Variants in CHRM3 observed in about 807,000 individuals in gnomAD.
CHRM3 encodes the protein muscarinic acetylcholine receptor M3.
CHRM3 carries 11 observed loss-of-function variants against 41.8 expected under a neutral mutation model. The observed-to-expected ratio is 0.26, with a 90% confidence interval of 0.17 to 0.44. The LOEUF is 0.44. Ranked by LOEUF, CHRM3 falls within the 20% of genes least tolerant of loss-of-function variation. The pLI is 1.00. For missense variants in CHRM3, 571 were observed against 745.4 expected, an observed-to-expected ratio of 0.77 and a Z score of 2.72; for synonymous variants, 297 against 301.4, an observed-to-expected ratio of 0.99 and a Z score of 0.15.
chr1:239,404,931 C>T (rs1014619021), intron 1 of CHRM3, among the ~76,000 whole-genome samples: 11 of 151,504 alleles, frequency 7.3e-5, no homozygotes, highest in Admixed American at 1.3e-4. Context: ...GGTTACATTT[C>T]TGAGCAAGTA....
At chr1:239,511,609 A>C in intron 2 of CHRM3, among the ~76,000 whole-genome samples, 1 of 152,232 alleles carries the variant, frequency 6.6e-6, no homozygotes, top group East Asian at 1.9e-4. Context: ...AAAATAAATT[A>C]GGCTCACTTG....
At chr1:239,677,027 C>G (rs1658071113) in intron 4 of CHRM3, among the ~76,000 whole-genome samples, 1 of 152,000 alleles carries the variant, frequency 6.6e-6, no homozygotes, top group East Asian at 1.9e-4. Flanking sequence ...TCTCTTTCTC[C>G]TCCCTCCCCA....
At chr1:239,768,502 T>TAA (rs1667402973) in intron 5 of CHRM3, among the ~76,000 whole-genome samples, 1 of 10,888 alleles carries the variant, frequency 9.2e-5, no homozygotes, top group African/African-American at 6.1e-4. Flanking sequence ...ATAAACATGG[T>TAA]GAAAATTAAA....
rs536307399 is a variant in CHRM3, at chr1:239,518,168, T to G, written c.-422+25361T>G. Among the ~76,000 whole-genome samples, 210 of 152,340 alleles carry G rather than the reference T, an allele frequency of 1.4e-3. 2 individuals are homozygous for G. The South Asian group carries it at 0.014, about 10-fold the overall frequency. ...TTTCCACACGTTTTAATTTAATTGC[T>G]TTTTAAAGAGCACGAGGAAAGACTA... On this transcript the variant is annotated intron_variant, in intron 2 of 6. Transcript: ENST00000676153.
intron 1 of CHRM3, among the ~76,000 whole-genome samples, chr1:239,404,857 C>A (rs1390499466): frequency 1.3e-5 from 2 of 150,514 alleles, no homozygotes; most frequent in East Asian, 3.9e-4. Context: ...CTCTTGAGTT[C>A]TATCAGGGAG....
intron 1 of CHRM3, among the ~76,000 whole-genome samples, chr1:239,413,655 C>T (rs1661282029): frequency 6.6e-6 from 1 of 152,044 alleles, no homozygotes; most frequent in South Asian, 2.1e-4. Flanking sequence ...CTATGGGACA[C>T]AAAATAATGA....
Position 239,908,777 on chromosome 1 carries a change from C to T in CHRM3, c.1326C>T (p.Asp442=), listed in dbSNP as rs760020909. 4 of 1,614,100 alleles carry T rather than the reference C, an allele frequency of 2.5e-6. No individual in the cohort carries two copies. Among genetic ancestry groups the T allele is most frequent in the African/African-American group, 1.3e-5 (1 of 75,016 alleles). Residue 442 remains aspartate (D), a synonymous_variant, in exon 7 of 7, where the codon GAC becomes GAT. Coordinates refer to ENST00000676153, the MANE Select transcript of CHRM3 (RefSeq NM_001375978.1). This position sits in a 1 kb window ranked among gnomAD's most constrained non-coding sequence, Gnocchi z 7.2. ...CCGTGGACACAGCTAAGACTTCTGA[C>T]GTCAACTCCTCAGTGGGTAAGAGCA... ...ESAVDTAKTS[D]VNSSVGKSTA...
chr1:239,391,263 C>T (rs1280945375), intron 1 of CHRM3, among the ~76,000 whole-genome samples: 1 of 152,138 alleles, frequency 6.6e-6, no homozygotes, highest in Non-Finnish European at 1.5e-5. Flanking sequence ...CACTTGAAGA[C>T]CATAGTAGTT....
At chr1:239,701,561 A>G (rs566720595) in intron 5 of CHRM3, among the ~76,000 whole-genome samples, 1 of 152,306 alleles carries the variant, frequency 6.6e-6, no homozygotes, top group East Asian at 1.9e-4. Context: ...TTGTGCCAGT[A>G]ATTACCTAGC....
At chr1:239,838,577 A>C (rs1275458611) in intron 6 of CHRM3, among the ~76,000 whole-genome samples, 1 of 152,188 alleles carries the variant, frequency 6.6e-6, no homozygotes, top group Non-Finnish European at 1.5e-5. Context: ...ACAAGCCTAC[A>C]AAGTTTATCT....
At position 239,825,729 on chromosome 1, in the gene CHRM3, T is replaced by C. The variant is rs139824997; in HGVS notation, c.-146-1523T>C. Among the ~76,000 whole-genome samples the C allele has an allele frequency of 1.7e-3, 259 of 152,268 alleles. 2 individuals carry two copies. Among genetic ancestry groups the C allele is most frequent in the African/African-American group, 5.8e-3 (243 of 41,544 alleles). On this transcript the variant is annotated intron_variant, in intron 5 of 6. Coordinates refer to ENST00000676153, the MANE Select transcript of CHRM3 (RefSeq NM_001375978.1). ...AGGAAATTCTTTTTATTTTTTTTTA[T>C]TTGGAGACAGGGTCTTGCTCTTTTT...
chr1:239,855,113 T>C (rs1055119869), intron 6 of CHRM3, among the ~76,000 whole-genome samples: 4 of 152,166 alleles, frequency 2.6e-5, no homozygotes, highest in African/African-American at 9.6e-5. Context: ...TCCGACACTC[T>C]TTACCATATT....
At chr1:239,872,045 T>TA (rs1473941475) in intron 6 of CHRM3, among the ~76,000 whole-genome samples, 1 of 152,154 alleles carries the variant, frequency 6.6e-6, no homozygotes, top group Non-Finnish European at 1.5e-5. Context: ...GTAAGAAAGC[T>TA]AACACACCTC....
In CHRM3 at chr1:239,757,137, G is replaced by A. The variant is rs137884802; in HGVS notation, c.-146-70115G>A. ...GGACTTTGAGAATTTCAAGACAAAT[G>A]TATGAAAGGTTTTTAAAAAACTGTT... On this transcript the variant is annotated intron_variant, in intron 5 of 6. Transcript: ENST00000676153. Among the ~76,000 whole-genome samples, 4 of 152,232 alleles carry A rather than the reference G, an allele frequency of 2.6e-5. No homozygotes were observed. The East Asian group carries it at 7.7e-4, about 29-fold the overall frequency.
At chr1:239,399,148 T>C (rs1298725965) in intron 1 of CHRM3, among the ~76,000 whole-genome samples, 1 of 152,188 alleles carries the variant, frequency 6.6e-6, no homozygotes, top group Non-Finnish European at 1.5e-5. Flanking sequence ...TGACTGCTGA[T>C]AATTATAATG....
chr1:239,397,410 C>T (rs796248989), intron 1 of CHRM3, among the ~76,000 whole-genome samples: 4 of 152,040 alleles, frequency 2.6e-5, no homozygotes, highest in African/African-American at 4.8e-5. Flanking sequence ...TGGTGGCTCA[C>T]GCCTGTAATC....
intron 3 of CHRM3, among the ~76,000 whole-genome samples, chr1:239,597,513 G>A (rs953003622): frequency 6.6e-6 from 1 of 152,000 alleles, no homozygotes; most frequent in Non-Finnish European, 1.5e-5. Flanking sequence ...ACTGCAGTTA[G>A]CTTTCTCCTC....
At position 239,671,310 on chromosome 1, in the gene CHRM3, G is replaced by A. The variant is rs115830254; in HGVS notation, c.-249-6876G>A. Among the ~76,000 whole-genome samples the A allele has an allele frequency of 2.1e-3, 321 of 152,298 alleles. 2 individuals are homozygous for A. Among genetic ancestry groups the A allele is most frequent in the African/African-American group, 7.3e-3 (305 of 41,558 alleles). ...TAAAAAGCCCAGGCTGGGCGCAGTG[G>A]CTCACCCTGTAATCCCAACACCTTG... On this transcript the variant is annotated intron_variant, in intron 4 of 6. Transcript: ENST00000676153.
intron 5 of CHRM3, among the ~76,000 whole-genome samples, chr1:239,730,117 A>T (rs1663823073): frequency 6.6e-6 from 1 of 152,034 alleles, no homozygotes; most frequent in South Asian, 2.1e-4. Context: ...GTTAGAAAAT[A>T]TAGCCAGTTT....
Sources: allele counts gnomAD v4.1 joint callset (sites outside exome capture counted in the v4.1 genomes callset), GRCh38; gene constraint gnomAD v4.1.1; non-coding constraint Gnocchi (gnomAD v3.1); transcripts MANE v1.5; gene names NCBI Gene and HGNC (gene_info 2026-07-23, HGNC 2026-07-21).